The following DPEP3 variants were observed in gnomAD, a reference collection of about 807,000 sequenced individuals.
DPEP3 encodes the protein dipeptidase 3.
In DPEP3, 42 loss-of-function variants were observed where a neutral mutation model predicts 47.5. That is an observed-to-expected ratio of 0.88 (90% CI 0.69 to 1.14). The LOEUF is 1.14. DPEP3 is among the 50% of genes most tolerant of loss of function. DPEP3 has a pLI of 0.00. For synonymous variants in DPEP3, 276 were observed against 270.2 expected (o/e 1.02, Z -0.21); for missense variants, 560 against 635.0 (o/e 0.88, Z 1.27).
At position 67,977,318 on chromosome 16, in the gene DPEP3, T is replaced by A. The variant is rs955137491; in HGVS notation, c.970A>T (p.Met324Leu). The A allele has an allele frequency of 5.0e-6, 8 of 1,613,818 alleles. No individual in the cohort carries two copies. In the African/African-American group the frequency reaches 1.1e-4, roughly 22 times the overall value. ...NGGIVMVTLS[M>L]GVLQCNLLAN... ...AGCAGGTTGCACTGCAGCACCCCCA[T>A]GGACAGTGTCACCATCACGATGCCA... Residue 324 changes from methionine (M) to leucine (L), a missense_variant, in exon 7 of 10, where the codon ATG (methionine) becomes TTG (leucine). Physicochemically the swap from Met to Leu is conservative, Grantham distance 15. Coordinates refer to ENST00000268793, the MANE Select transcript of DPEP3 (RefSeq NM_001370198.1).
At chr16:67,977,008 G>A (rs1185457381) in intron 7 of DPEP3, among the ~76,000 whole-genome samples, 2 of 152,178 alleles carry the variant, frequency 1.3e-5, no homozygotes, top group East Asian at 1.9e-4. Context: ...AGAGCCTGGT[G>A]CAGGCTGAGC....
chr16:67,980,326 G>C lies in DPEP3; in HGVS notation c.55C>G (p.Arg19Gly), dbSNP rs1425427857. ...SRALSRRYLR[R>G]LLLLLLLLLL... ...AGCAGCAGTAGCAGGAGCAGCAGAC[G>C]CCGCAGATACCGCCGGCTGAGCGCG... is the stretch of plus-strand genomic sequence containing the variant. Residue 19 changes from arginine (R) to glycine (G), a missense_variant, in exon 1 of 10, where the codon CGT becomes GGT. Transcript: ENST00000268793. The C allele has an allele frequency of 5.8e-6, 9 of 1,556,358 alleles. No individual in the cohort carries two copies. In the South Asian group the frequency reaches 9.4e-5, roughly 16 times the overall value.
intron 2 of DPEP3, among the ~76,000 whole-genome samples, 163 bp downstream of exon 2, chr16:67,979,476 A>G (rs952673253): frequency 2.6e-5 from 4 of 152,194 alleles, no homozygotes; most frequent in African/African-American, 7.2e-5. Flanking sequence ...ACATGCAGCT[A>G]GCCTGTCTTG....
rs760238853 is a variant in DPEP3 at position 67,977,385 on chromosome 16, C to G, written c.934-31G>C. On this transcript the variant is annotated intron_variant, in intron 6 of 9. Coordinates refer to ENST00000268793, the MANE Select transcript of DPEP3 (RefSeq NM_001370198.1). ...GGGATAAAGGGATACTCATCTCAGC[C>G]CTTCTGGCCTGAGAACATGCCTCCT... The G allele has an allele frequency of 3.1e-6, 5 of 1,604,702 alleles. No individual in the cohort carries two copies. In the Admixed American group the frequency reaches 5.0e-5, roughly 16 times the overall value.
chr16:67,978,468 T>C lies in DPEP3; in HGVS notation c.544+29A>G. The C allele has an allele frequency of 6.2e-7, 1 of 1,613,950 alleles. No individual in the cohort carries two copies. The highest frequency in any genetic ancestry group is 8.5e-7 in the Non-Finnish European group (1 of 1,179,884). ...CAGGAACAGAACCTCCAGAGTGACA[T>C]CCTGACTACCTCTCATCTGCTGGCC... On this transcript the variant is annotated intron_variant, in intron 3 of 9. Coordinates refer to ENST00000268793, the MANE Select transcript of DPEP3 (RefSeq NM_001370198.1). This position sits in a 1 kb window ranked among gnomAD's most constrained non-coding sequence, Gnocchi z 4.4.
rs372588067 is a variant in DPEP3 at position 67,980,390 on chromosome 16, G to C, written c.-10C>G. ...GGCCCGTGGGCTGCATGTTGCGCGG[G>C]GGTCGGCCGCGGGAGCCTGGGAGGA... is the stretch of plus-strand genomic sequence containing the variant. On this transcript the variant is annotated 5_prime_UTR_variant, in exon 1 of 10. Transcript: ENST00000268793. The C allele has an allele frequency of 1.3e-6, 2 of 1,513,254 alleles. No individual in the cohort carries two copies. The highest frequency in any genetic ancestry group is 5.0e-5 in the East Asian group (2 of 39,928). The allele number at this position is 1,513,254 out of a possible 1,614,324, so 93.7% of individuals were successfully genotyped here. A position where few individuals can be genotyped will look rare whatever the true frequency, so the allele number is the denominator to read the frequency against.
intron 2 of DPEP3, 141 bp downstream of exon 2, chr16:67,979,498 C>T: frequency 1.5e-6 from 2 of 1,310,682 alleles, no homozygotes; most frequent in Non-Finnish European, 2.1e-6. Context: ...CCTCCAAGGC[C>T]CCACTCTCCT....
In DPEP3 at chr16:67,980,303, C is replaced by CAGCAGT. The variant is rs1340899167; in HGVS notation, c.72_77dup (p.Leu28_Leu29dup). On this transcript the variant is annotated inframe_insertion, in exon 1 of 10. Transcript: ENST00000268793. ...GGGTTACGGGCTGCCGCAGCAGCAG[C>CAGCAGT]AGCAGTAGCAGGAGCAGCAGACGCC... 6.4e-7 allele frequency: 1 copy of CAGCAGT among 1,567,046 alleles called. No individual in the cohort carries two copies. The highest frequency in any genetic ancestry group is 1.9e-5 in the Admixed American group (1 of 51,864).
At position 67,978,503 on chromosome 16, in the gene DPEP3, C is replaced by T; in HGVS notation, c.538G>A (p.Ala180Thr). 6.2e-7 allele frequency: 1 copy of T among 1,614,096 alleles called. No homozygotes were observed. Among genetic ancestry groups the T allele is most frequent in the African/African-American group, 1.3e-5 (1 of 75,036 alleles). ...CTCTCATCTGCTGGCCCACCTTCAG[C>T]TGAGGTCACAAGCTCGAGTTCAGAG... is the stretch of plus-strand genomic sequence containing the variant. Reference protein sequence around the residue: ...SYSELELVTSAEGLNSSQKLA... With the variant: ...SYSELELVTSTEGLNSSQKLA... The change falls in exon 3 of 10, where the codon GCT becomes ACT. Residue 180 changes from alanine (A) to threonine (T), a missense_variant. Coordinates refer to ENST00000268793, the MANE Select transcript of DPEP3 (RefSeq NM_001370198.1). The surrounding 1 kb of genome is among the most constrained non-coding windows in gnomAD (Gnocchi z 4.4).
intron 7 of DPEP3, 49 bp downstream of exon 7, chr16:67,977,221 G>T: frequency 6.4e-7 from 1 of 1,567,624 alleles, no homozygotes. Context: ...TGAGGGCCCT[G>T]GCAGCCACAG....
Position 67,977,771 on chromosome 16 carries a change from T to C in DPEP3, c.815A>G (p.Asp272Gly), listed in dbSNP as rs771792453. 32 of 1,613,796 alleles carry C rather than the reference T, an allele frequency of 2.0e-5. No homozygotes were observed. Among genetic ancestry groups the C allele is most frequent in the Non-Finnish European group, 2.5e-5 (30 of 1,179,868 alleles). Reference sequence around the variant, plus strand: ...TTCCAGGACCCTTCTTATCAAGGTGTCCGATGCATAGGACAAATCTATCAT... The same window carrying C: ...TTCCAGGACCCTTCTTATCAAGGTGCCCGATGCATAGGACAAATCTATCAT... ...GMMIDLSYASDTLIRRVLEVS... is the reference protein window; with the variant it reads ...GMMIDLSYASGTLIRRVLEVS... Residue 272 changes from aspartate to glycine, a missense_variant, in exon 6 of 10, where the codon GAC becomes GGC. Transcript: ENST00000268793.
chr16:67,977,723 A>T lies in DPEP3; in HGVS notation c.863T>A (p.Phe288Tyr). 1 of 1,613,242 alleles carries T rather than the reference A, an allele frequency of 6.2e-7. No homozygotes were observed. The highest frequency in any genetic ancestry group is 8.5e-7 in the Non-Finnish European group (1 of 1,179,454). ...CACAGCTCTGGCAGCTGAGTGGGAG[A>T]AGATCACAGGAGCCTGAGACACTTC... ...VLEVSQAPVI[F>Y]SHSAARAVCD... The change falls in exon 6 of 10, where the codon TTC (phenylalanine) becomes TAC (tyrosine). Residue 288 changes from phenylalanine (F) to tyrosine (Y), a missense_variant. Coordinates refer to ENST00000268793, the MANE Select transcript of DPEP3 (RefSeq NM_001370198.1).
chr16:67,979,198 A>G (rs1009649396), intron 2 of DPEP3, among the ~76,000 whole-genome samples: 4 of 152,180 alleles, frequency 2.6e-5, no homozygotes, highest in Admixed American at 6.6e-5. Flanking sequence ...CCAGCTACTC[A>G]GGAGGCTGAG....
At chr16:67,977,491 G>T in intron 6 of DPEP3, 137 bp from the exon 7 acceptor site, 1 of 1,249,460 alleles carries the variant, frequency 8.0e-7, no homozygotes, top group Non-Finnish European at 1.1e-6. Context: ...GCGTTTGTGG[G>T]TCCCTGAGTG....
chr16:67,980,373 G>A lies in DPEP3; in HGVS notation c.8C>T (p.Pro3Leu). The A allele has an allele frequency of 1.3e-6, 2 of 1,534,466 alleles. No homozygotes were observed. Among genetic ancestry groups the A allele is most frequent in the Non-Finnish European group, 1.8e-6 (2 of 1,140,014 alleles). Residue 3 changes from proline (P) to leucine (L), a missense_variant, in exon 1 of 10, where the codon CCC becomes CTC. Transcript: ENST00000268793. ...CGCGCGGGAACCCTCGCGGCCCGTGGGCTGCATGTTGCGCGGGGGTCGGCC... is the reference window on the plus strand; with the variant it reads ...CGCGCGGGAACCCTCGCGGCCCGTGAGCTGCATGTTGCGCGGGGGTCGGCC... Reference protein sequence around the residue: MQPTGREGSRALS... With the variant: MQLTGREGSRALS...
chr16:67,979,970 A>AGAGG (rs2031286612), intron 1 of DPEP3, 124 bp downstream of exon 1: 7 of 1,392,058 alleles, frequency 5.0e-6, no homozygotes, highest in Non-Finnish European at 6.8e-6. Flanking sequence ...GATGGAGGAG[A>AGAGG]GAGGGCATCC....
intron 6 of DPEP3, 100 bp from the exon 7 acceptor site, chr16:67,977,454 A>C: frequency 7.4e-7 from 1 of 1,347,194 alleles, no homozygotes; most frequent in Non-Finnish European, 1.0e-6. Context: ...TCCTGGCTTC[A>C]GGGGTTGGAA....
At position 67,977,959 on chromosome 16, in the gene DPEP3, G is replaced by A. The variant is rs757018265; in HGVS notation, c.735C>T (p.Ser245=). 42 of 1,613,946 alleles carry A rather than the reference G, an allele frequency of 2.6e-5. No individual in the cohort carries two copies. Among genetic ancestry groups the A allele is most frequent in the South Asian group, 4.4e-5 (4 of 91,078 alleles). The change falls in exon 5 of 10, where the codon AGC becomes AGT. Residue 245 remains serine, a synonymous_variant. Transcript: ENST00000268793. ...TCACCTCACCAAAGCTTGTCAATCCGCTGACGTTGGTGTACATGTGGTGTC... is the reference window on the plus strand; with the variant it reads ...TCACCTCACCAAAGCTTGTCAATCCACTGACGTTGGTGTACATGTGGTGTC... ...KFRHHMYTNV[S]GLTSFGEKVV...
rs758297248 is a variant in DPEP3 at position 67,977,932 on chromosome 16, C to T, written c.756+6G>A. The T allele has an allele frequency of 1.9e-6, 3 of 1,613,920 alleles. No individual in the cohort carries two copies. The highest frequency in any genetic ancestry group is 2.5e-6 in the Non-Finnish European group (3 of 1,179,864). On this transcript the variant is annotated splice_donor_region_variant and intron_variant, in intron 5 of 9. Coordinates refer to ENST00000268793, the MANE Select transcript of DPEP3 (RefSeq NM_001370198.1). ...GTGGGTTGGGGTACAAAACAGGAGT[C>T]CTCACCTCACCAAAGCTTGTCAATC...
Sources: allele counts gnomAD v4.1 joint callset (sites outside exome capture counted in the v4.1 genomes callset), GRCh38; gene constraint gnomAD v4.1.1; non-coding constraint Gnocchi (gnomAD v3.1); transcripts MANE v1.5; gene names NCBI Gene and HGNC (gene_info 2026-07-23, HGNC 2026-07-21).